PXK: variants seen among roughly 807,000 people sequenced by gnomAD.
PXK encodes PX domain containing serine/threonine kinase like.
PXK carries 35 observed loss-of-function variants against 84.7 expected under a neutral mutation model. The observed-to-expected ratio is 0.41, with a 90% CI of 0.32 to 0.55. The LOEUF (loss-of-function observed/expected upper bound fraction) is 0.55, where lower values mean the gene tolerates loss of function less well. PXK is among the 20% of genes least tolerant of loss of function. PXK has a pLI of 0.21. For missense variants in PXK, 634 were observed against 699.7 expected (o/e 0.91, Z 1.06); for synonymous variants, 253 against 260.8 (o/e 0.97, Z 0.29).
chr3:58,372,760 G>A (rs1339394888), intron 3 of PXK, among the ~76,000 whole-genome samples: 3 of 151,680 alleles, frequency 2.0e-5, no homozygotes, highest in Non-Finnish European at 2.9e-5. Flanking sequence ...CCGAGTAGCT[G>A]AGATTACAGG....
At chr3:58,423,022 G>A in intron 17 of PXK, 3 of 985,370 alleles carry the variant, frequency 3.0e-6, no homozygotes, top group Non-Finnish European at 3.6e-6. Context: ...GCTGGGGAAG[G>A]GCACTGGCAC....
chr3:58,423,931 T>G (rs2062382905), intron 17 of PXK, among the ~76,000 whole-genome samples: 1 of 152,214 alleles, frequency 6.6e-6, no homozygotes, highest in African/African-American at 2.4e-5. Context: ...TTCCCTCTCC[T>G]TGCCCACTGC....
Position 58,369,443 on chromosome 3 carries a change from T to C in PXK, c.166T>C (p.Tyr56His). The C allele has an allele frequency of 6.2e-7, 1 of 1,610,058 alleles. No individual in the cohort carries two copies. The highest frequency in any genetic ancestry group is 1.1e-5 in the South Asian group (1 of 90,952). Residue 56 changes from tyrosine (Y) to histidine (H), a missense_variant, in exon 3 of 18, where the codon TAC becomes CAC. Tyr to His is a moderately conservative substitution (Grantham distance 83). Coordinates refer to ENST00000356151, the MANE Select transcript of PXK (RefSeq NM_017771.5). ...VENSWQIVRR[Y>H]SDFDLLNNSL... is the part of the protein sequence containing the mutation. ...TTGTCTCTTACAGATTGTTAGAAGA[T>C]ACAGTGACTTTGATTTGCTTAACAA... is the stretch of plus-strand genomic sequence containing the variant.
At chr3:58,408,159 T>C (rs1202413197) in intron 13 of PXK, among the ~76,000 whole-genome samples, 1 of 152,228 alleles carries the variant, frequency 6.6e-6, no homozygotes, top group Non-Finnish European at 1.5e-5. Flanking sequence ...CTTGGAACCC[T>C]TGTCAAAGAT....
At chr3:58,337,722 G>A (rs555671627) in intron 1 of PXK, among the ~76,000 whole-genome samples, 17 of 152,092 alleles carry the variant, frequency 1.1e-4, no homozygotes, top group African/African-American at 3.6e-4. Context: ...CTCCTGCCTC[G>A]GCCTCCCAAA....
At position 58,412,179 on chromosome 3, in the gene PXK, G is replaced by C. The variant is rs371453157; in HGVS notation, c.1466-722G>C. On this transcript the variant is annotated intron_variant, in intron 16 of 17. Transcript: ENST00000356151. The surrounding 1 kb of genome is among the most constrained non-coding windows in gnomAD (Gnocchi z 6.2). ...TTTCTGTGTCCACAGAAAGGCTTACGTAGGAACCTCTGCTCATTGGGCTAC... is the reference window on the plus strand; with the variant it reads ...TTTCTGTGTCCACAGAAAGGCTTACCTAGGAACCTCTGCTCATTGGGCTAC... Among the ~76,000 whole-genome samples, 10 of 152,208 alleles carry C rather than the reference G, an allele frequency of 6.6e-5. No individual in the cohort carries two copies. Among genetic ancestry groups the C allele is most frequent in the African/African-American group, 2.2e-4 (9 of 41,532 alleles).
intron 17 of PXK, among the ~76,000 whole-genome samples, chr3:58,415,498 A>C (rs1161137215): frequency 2.6e-5 from 4 of 152,250 alleles, no homozygotes; most frequent in African/African-American, 9.6e-5. Context: ...AGGAGCTTCC[A>C]TGCCTTCCCT....
chr3:58,376,032 G>A (rs1323882560), intron 3 of PXK, among the ~76,000 whole-genome samples: 1 of 152,044 alleles, frequency 6.6e-6, no homozygotes, highest in East Asian at 1.9e-4. Context: ...TTATTTCAAT[G>A]TTTATTATTA....
chr3:58,408,667 C>T (rs902543484), intron 13 of PXK, among the ~76,000 whole-genome samples: 8 of 151,998 alleles, frequency 5.3e-5, no homozygotes, highest in Non-Finnish European at 1.0e-4. Flanking sequence ...GGACTACAGG[C>T]GCCCACCACC....
chr3:58,349,461 T>C (rs1235468535), intron 1 of PXK, among the ~76,000 whole-genome samples: 1 of 151,634 alleles, frequency 6.6e-6, no homozygotes, highest in Non-Finnish European at 1.5e-5. Flanking sequence ...GTTCAAGCGA[T>C]TCTCCTGCCT....
intron 9 of PXK, among the ~76,000 whole-genome samples, 198 bp from the exon 10 acceptor site, chr3:58,396,841 C>G (rs2107142108): frequency 1.3e-5 from 2 of 152,348 alleles, no homozygotes; most frequent in Middle Eastern, 6.8e-3. Context: ...TGTTGCATCT[C>G]ACAGCCTCAA....
intron 3 of PXK, among the ~76,000 whole-genome samples, chr3:58,372,489 A>AT (rs1244654220): frequency 6.8e-6 from 1 of 147,516 alleles, no homozygotes; most frequent in Non-Finnish European, 1.5e-5. Context: ...CGCCCGGCTA[A>AT]TTTTTTGTAT....
intron 1 of PXK, among the ~76,000 whole-genome samples, chr3:58,352,582 T>C (rs2097955080): frequency 6.6e-6 from 1 of 152,244 alleles, no homozygotes; most frequent in Non-Finnish European, 1.5e-5. Flanking sequence ...TTGGTATTTT[T>C]TTTCTTTACT....
intron 17 of PXK, chr3:58,413,172 G>C (rs2107635208): frequency 1.6e-6 from 1 of 608,302 alleles, no homozygotes. Context: ...GAATGGACCG[G>C]TTTCAGGGCC....
In PXK at chr3:58,409,102, A is replaced by C. The variant is rs2059808486; in HGVS notation, c.1308+101A>C. The C allele has an allele frequency of 1.1e-6, 1 of 901,544 alleles. No individual in the cohort carries two copies. Among genetic ancestry groups the C allele is most frequent in the East Asian group, 2.5e-5 (1 of 39,496 alleles). 55.8% of individuals were successfully genotyped at this position (901,544 alleles called of 1,614,324 possible). ...GACTGTTCCCTCTGCAAATATTTTA[A>C]GCATACTTACTCTCAGCCAGCCTTT... is the stretch of plus-strand genomic sequence containing the variant. On this transcript the variant is annotated intron_variant, in intron 14 of 17. Transcript: ENST00000356151. The surrounding 1 kb of genome is among the most constrained non-coding windows in gnomAD (Gnocchi z 4.2).
At chr3:58,378,193 T>G (rs2098459891) in intron 3 of PXK, among the ~76,000 whole-genome samples, 1 of 152,208 alleles carries the variant, frequency 6.6e-6, no homozygotes, top group South Asian at 2.1e-4. Context: ...ACTCCCAGAA[T>G]TCTGGCAGTC....
rs1238417860 is a variant in PXK at position 58,425,500 on chromosome 3, TCTC to T, written c.*544_*546del. Reference sequence around the variant, plus strand: ...CAGAAAGCAACTGAGTTCTTTGTTTTCTCCTCAAATAGAATGGGGAACGTTCAC... The same window carrying T: ...CAGAAAGCAACTGAGTTCTTTGTTTTCTCAAATAGAATGGGGAACGTTCAC... On this transcript the variant is annotated 3_prime_UTR_variant, in exon 18 of 18. Transcript: ENST00000356151. The T allele has an allele frequency of 6.4e-6, 1 of 155,308 alleles. No individual in the cohort carries two copies. Among genetic ancestry groups the T allele is most frequent in the Non-Finnish European group, 1.4e-5 (1 of 70,150 alleles). The allele number at this position is 155,308 out of a possible 1,614,324, so 9.6% of individuals were successfully genotyped here. A position where few individuals can be genotyped will look rare whatever the true frequency, so the allele number is the denominator to read the frequency against.
intron 1 of PXK, among the ~76,000 whole-genome samples, chr3:58,337,721 C>T (rs369876080): frequency 2.0e-5 from 3 of 152,146 alleles, no homozygotes; most frequent in African/African-American, 4.8e-5. Flanking sequence ...CCTCCTGCCT[C>T]GGCCTCCCAA....
intron 13 of PXK, among the ~76,000 whole-genome samples, chr3:58,406,736 C>G (rs1209144742): frequency 6.6e-6 from 1 of 152,186 alleles, no homozygotes; most frequent in Non-Finnish European, 1.5e-5. Context: ...CCATTTCTCC[C>G]TCCCCACAGC....
Sources: allele counts gnomAD v4.1 joint callset (sites outside exome capture counted in the v4.1 genomes callset), GRCh38; gene constraint gnomAD v4.1.1; non-coding constraint Gnocchi (gnomAD v3.1); transcripts MANE v1.5; gene names NCBI Gene and HGNC (gene_info 2026-07-23, HGNC 2026-07-21).